CCDC60: variants seen among roughly 807,000 people sequenced by gnomAD.
CCDC60 encodes coiled-coil domain-containing protein 60.
CCDC60 carries 54 observed loss-of-function variants against 63.5 expected under a neutral mutation model. That is an observed-to-expected ratio of 0.85 (90% CI 0.68 to 1.07). The LOEUF is 1.07. Among genes scored for constraint, CCDC60 ranks in the 50% least tolerant of loss-of-function variants. CCDC60 has a pLI of 0.00. For missense variants in CCDC60, 651 were observed against 684.3 expected (o/e 0.95, Z 0.54); for synonymous variants, 206 against 238.8 (o/e 0.86, Z 1.27).
At chr12:119,396,788 G>A (rs1956263370) in intron 1 of CCDC60, among the ~76,000 whole-genome samples, 1 of 152,218 alleles carries the variant, frequency 6.6e-6, no homozygotes, top group Non-Finnish European at 1.5e-5. Flanking sequence ...TGCTGAGGCA[G>A]GAGGATCACT....
At chr12:119,478,700 C>T (rs1031206453) in intron 3 of CCDC60, among the ~76,000 whole-genome samples, 3 of 150,528 alleles carry the variant, frequency 2.0e-5, no homozygotes, top group Admixed American at 6.6e-5. Context: ...CTCTGCCTCC[C>T]GGGTTCAAGA....
At chr12:119,519,040 A>C (rs1952425900) in intron 8 of CCDC60, among the ~76,000 whole-genome samples, 1 of 152,256 alleles carries the variant, frequency 6.6e-6, no homozygotes. Context: ...GGCAGCAGAC[A>C]TTAAAGCTTC....
chr12:119,520,542 CTTTTT>C (rs11460611), intron 9 of CCDC60, among the ~76,000 whole-genome samples: 2 of 126,866 alleles, frequency 1.6e-5, no homozygotes, highest in African/African-American at 6.0e-5. Context: ...AGAGAATATT[CTTTTT>C]TTTTTTTTTT....
rs1437982896 is a variant in CCDC60, at chr12:119,456,690, A to T, written c.171-15304A>T. ...TATGGTTATTTCCTGATGATATGCTAAACAAGGGGTGGATTATTGATGCCT... is the reference window on the plus strand; with the variant it reads ...TATGGTTATTTCCTGATGATATGCTTAACAAGGGGTGGATTATTGATGCCT... On this transcript the variant is annotated intron_variant, in intron 2 of 13. Coordinates refer to ENST00000327554, the MANE Select transcript of CCDC60 (RefSeq NM_178499.5). This position sits in a 1 kb window ranked among gnomAD's most constrained non-coding sequence, Gnocchi z 4.6. Among the ~76,000 whole-genome samples the T allele has an allele frequency of 2.0e-5, 3 of 152,242 alleles. No homozygotes were observed. Among genetic ancestry groups the T allele is most frequent in the African/African-American group, 4.8e-5 (2 of 41,470 alleles).
intron 1 of CCDC60, among the ~76,000 whole-genome samples, chr12:119,350,413 A>G (rs1955644675): frequency 6.6e-6 from 1 of 151,930 alleles, no homozygotes; most frequent in African/African-American, 2.4e-5. Context: ...CTGTATTTTT[A>G]GTAGAGACAG....
intron 1 of CCDC60, among the ~76,000 whole-genome samples, chr12:119,393,509 T>C (rs1956197330): frequency 6.6e-6 from 1 of 152,226 alleles, no homozygotes; most frequent in Admixed American, 6.5e-5. Context: ...AAAATGCACA[T>C]CCTGGAGATT....
In CCDC60 at chr12:119,540,997, C is replaced by T; in HGVS notation, c.*282C>T. 1 of 327,230 alleles carries T rather than the reference C, an allele frequency of 3.1e-6. No individual in the cohort carries two copies. Among genetic ancestry groups the T allele is most frequent in the East Asian group, 5.4e-5 (1 of 18,502 alleles). The allele number at this position is 327,230 out of a possible 1,614,324, so 20.3% of individuals were successfully genotyped here. The stretch of plus-strand genomic sequence containing the variant: ...CTACTTCCTCTTCAGATTCCTTCAC[C>T]CTATTTACCTTCCTCAAGTACTGGA... On this transcript the variant is annotated 3_prime_UTR_variant, in exon 14 of 14. Transcript: ENST00000327554.
chr12:119,340,632 G>C (rs1169148522), intron 1 of CCDC60, among the ~76,000 whole-genome samples: 2 of 152,096 alleles, frequency 1.3e-5, no homozygotes, highest in African/African-American at 4.8e-5. Context: ...GTCGGAAAAG[G>C]AGAACCAACA....
At chr12:119,453,319 C>T (rs1950667939) in intron 2 of CCDC60, among the ~76,000 whole-genome samples, 1 of 152,120 alleles carries the variant, frequency 6.6e-6, no homozygotes, top group African/African-American at 2.4e-5. Context: ...TCCTTTTCTT[C>T]CATCGTCATT....
At chr12:119,441,486 T>A (rs7971941) in intron 2 of CCDC60, among the ~76,000 whole-genome samples, 41,817 of 152,052 alleles carry the variant, frequency 0.28, 6,063 homozygotes, top group African/African-American at 0.37. Context: ...CATGTAACCC[T>A]CATCAGCATC....
chr12:119,541,016 T>G lies in CCDC60; in HGVS notation c.*301T>G. The G allele has an allele frequency of 3.8e-6, 1 of 263,434 alleles. No individual in the cohort carries two copies. Among genetic ancestry groups the G allele is most frequent in the African/African-American group, 2.2e-5 (1 of 45,002 alleles). The allele number at this position is 263,434 out of a possible 1,614,324, so 16.3% of individuals were successfully genotyped here. The stretch of plus-strand genomic sequence containing the variant: ...CTTCACCCTATTTACCTTCCTCAAG[T>G]ACTGGAGAATAAAATTGAACTGAAT... On this transcript the variant is annotated 3_prime_UTR_variant, in exon 14 of 14. Coordinates refer to ENST00000327554, the MANE Select transcript of CCDC60 (RefSeq NM_178499.5).
At chr12:119,468,179 C>T (rs1028382403) in intron 2 of CCDC60, among the ~76,000 whole-genome samples, 2 of 152,146 alleles carry the variant, frequency 1.3e-5, no homozygotes, top group African/African-American at 4.8e-5. Context: ...GTAATCCCAG[C>T]TACGCAGGAG....
intron 1 of CCDC60, among the ~76,000 whole-genome samples, chr12:119,371,235 C>T (rs1284775625): frequency 6.6e-6 from 1 of 152,102 alleles, no homozygotes; most frequent in Admixed American, 6.5e-5. Context: ...GTGTCTCCAT[C>T]AGCAAAATAG....
rs991799595 is a variant in CCDC60, at chr12:119,540,956, T to C, written c.*241T>C. The stretch of plus-strand genomic sequence containing the variant: ...CCTACCAGTCTCTGTTCTTCAATGA[T>C]CCAGCCTGACTCTACCTACTTCCTC... On this transcript the variant is annotated 3_prime_UTR_variant, in exon 14 of 14. Transcript: ENST00000327554. 2 of 427,768 alleles carry C rather than the reference T, an allele frequency of 4.7e-6. No homozygotes were observed. Among genetic ancestry groups the C allele is most frequent in the Non-Finnish European group, 8.3e-6 (2 of 240,712 alleles). The allele number at this position is 427,768 out of a possible 1,614,324, so 26.5% of individuals were successfully genotyped here.
intron 2 of CCDC60, among the ~76,000 whole-genome samples, chr12:119,459,056 G>A (rs1478728949): frequency 6.6e-6 from 1 of 152,182 alleles, no homozygotes; most frequent in East Asian, 1.9e-4. Flanking sequence ...ACCCGGCCAA[G>A]AGATTCTTAG....
intron 5 of CCDC60, among the ~76,000 whole-genome samples, chr12:119,493,650 T>C (rs1951647867): frequency 6.6e-6 from 1 of 152,212 alleles, no homozygotes; most frequent in Non-Finnish European, 1.5e-5. Flanking sequence ...TTTATTTCAA[T>C]TGACAAGATG....
chr12:119,374,780 C>T (rs1439132451), intron 1 of CCDC60, among the ~76,000 whole-genome samples: 1 of 152,112 alleles, frequency 6.6e-6, no homozygotes, highest in Non-Finnish European at 1.5e-5. Context: ...GGGAAAGGGG[C>T]AGGCAATTCC....
chr12:119,504,941 T>C, intron 6 of CCDC60, 128 bp from the exon 7 acceptor site: 1 of 638,698 alleles, frequency 1.6e-6, no homozygotes, highest in East Asian at 2.7e-5. Context: ...CAGAAGGAAT[T>C]CACAGTCAGA....
intron 1 of CCDC60, among the ~76,000 whole-genome samples, chr12:119,339,094 A>T (rs910448550): frequency 2.4e-4 from 37 of 152,034 alleles, no homozygotes; most frequent in Non-Finnish European, 8.8e-5. Context: ...GCTTGCCCTT[A>T]TGTTGGGTTC....
Sources: gnomAD v4.1 joint callset for allele counts (sites outside exome capture counted in the v4.1 genomes callset) on GRCh38, gnomAD v4.1.1 for gene constraint, Gnocchi (gnomAD v3.1) non-coding constraint, MANE v1.5 for transcripts, NCBI Gene and HGNC (gene_info 2026-07-23, HGNC 2026-07-21) for gene names.